Variants in KCNB2 observed in about 807,000 individuals in gnomAD.
KCNB2 encodes delayed rectifier potassium channel protein.
A neutral mutation model predicts 61.5 loss-of-function variants in KCNB2; 15 were observed. The ratio of observed to expected loss-of-function variants is 0.24; its 90% confidence interval spans 0.16 to 0.38. The LOEUF (loss-of-function observed/expected upper bound fraction) is 0.38. Ranked by LOEUF, KCNB2 falls within the 10% of genes least tolerant of loss-of-function variation. The pLI is 1.00. For synonymous variants in KCNB2, 457 were observed against 446.0 expected (o/e 1.02, Z -0.31); for missense variants, 828 against 1,125.2 (o/e 0.74, Z 3.78).
chr8:72,662,769 C>T (rs1462541148), intron 2 of KCNB2, among the ~76,000 whole-genome samples: 1 of 152,078 alleles, frequency 6.6e-6, no homozygotes, highest in Non-Finnish European at 1.5e-5. Flanking sequence ...GACAGGAGGG[C>T]TAATGGAAGG....
At chr8:72,934,255 C>A (rs541582380) in intron 2 of KCNB2, among the ~76,000 whole-genome samples, 1 of 152,066 alleles carries the variant, frequency 6.6e-6, no homozygotes, top group East Asian at 1.9e-4. Flanking sequence ...GTAGTCCCAG[C>A]TACTCAGGTG....
intron 2 of KCNB2, among the ~76,000 whole-genome samples, chr8:72,600,532 A>G (rs1009191130): frequency 6.6e-6 from 1 of 152,084 alleles, no homozygotes; most frequent in African/African-American, 2.4e-5. Context: ...AACATGGCAC[A>G]TGTATACATA....
chr8:72,820,383 G>T (rs938075272), intron 2 of KCNB2, among the ~76,000 whole-genome samples: 3 of 152,096 alleles, frequency 2.0e-5, no homozygotes, highest in African/African-American at 7.2e-5. Context: ...TTATTCCAAT[G>T]AACTTTCCAA....
chr8:72,702,078 G>A (rs2255421), intron 2 of KCNB2, among the ~76,000 whole-genome samples: 107,997 of 152,030 alleles, frequency 0.71, 39,320 homozygotes, highest in African/African-American at 0.86. Flanking sequence ...GCAGAACACA[G>A]AACATCAGAC....
At chr8:72,571,592 T>C (rs923375658) in intron 2 of KCNB2, among the ~76,000 whole-genome samples, 1 of 152,218 alleles carries the variant, frequency 6.6e-6, no homozygotes, top group African/African-American at 2.4e-5. Flanking sequence ...TTTATCTGTA[T>C]GATGGACTCT....
At chr8:72,665,056 T>A (rs1241810120) in intron 2 of KCNB2, among the ~76,000 whole-genome samples, 1 of 152,154 alleles carries the variant, frequency 6.6e-6, no homozygotes, top group African/African-American at 2.4e-5. Context: ...TAGGCCCAGG[T>A]AGGCACCAGC....
At chr8:72,830,338 T>C (rs1563397654) in intron 2 of KCNB2, among the ~76,000 whole-genome samples, 1 of 150,698 alleles carries the variant, frequency 6.6e-6, no homozygotes, top group Non-Finnish European at 1.5e-5. Flanking sequence ...CCTGTGGAAA[T>C]GTGCTCACTT....
At chr8:72,678,397 T>C (rs1230959805) in intron 2 of KCNB2, among the ~76,000 whole-genome samples, 2 of 152,214 alleles carry the variant, frequency 1.3e-5, no homozygotes, top group Admixed American at 6.5e-5. Flanking sequence ...GCAGGGTCCA[T>C]GTGACTGTTT....
chr8:72,561,636 G>C (rs2128978195), intron 1 of KCNB2, among the ~76,000 whole-genome samples: 1 of 138,834 alleles, frequency 7.2e-6, no homozygotes, highest in Admixed American at 7.5e-5. Flanking sequence ...AAGTAATGCA[G>C]GTTGCAGGTT....
intron 2 of KCNB2, among the ~76,000 whole-genome samples, chr8:72,726,444 G>T (rs1315537974): frequency 1.3e-5 from 2 of 152,200 alleles, no homozygotes; most frequent in Non-Finnish European, 2.9e-5. Context: ...ATAAATGATA[G>T]TAAATACATA....
intron 2 of KCNB2, among the ~76,000 whole-genome samples, chr8:72,588,002 T>C (rs1807026262): frequency 6.6e-6 from 1 of 152,104 alleles, no homozygotes; most frequent in Non-Finnish European, 1.5e-5. Flanking sequence ...GTTATGCTCC[T>C]TGTGCACTGT....
chr8:72,839,599 C>CTTTT (rs10561095), intron 2 of KCNB2, among the ~76,000 whole-genome samples: 934 of 87,674 alleles, frequency 0.011, 51 homozygotes, highest in African/African-American at 0.032. Context: ...TGAAAGGCTT[C>CTTTT]TTTTTTTTTT....
At chr8:72,651,383 G>T (rs534505186) in intron 2 of KCNB2, among the ~76,000 whole-genome samples, 25 of 152,230 alleles carry the variant, frequency 1.6e-4, no homozygotes, top group Admixed American at 2.6e-4. Flanking sequence ...TTCAAAAGTT[G>T]CATTTCAATT....
At chr8:72,694,040 G>A (rs889052303) in intron 2 of KCNB2, among the ~76,000 whole-genome samples, 4 of 152,084 alleles carry the variant, frequency 2.6e-5, no homozygotes, top group African/African-American at 4.8e-5. Flanking sequence ...ATAGAAAATC[G>A]ATATCAAATT....
intron 2 of KCNB2, among the ~76,000 whole-genome samples, chr8:72,768,838 G>T (rs1808512708): frequency 1.3e-5 from 2 of 152,042 alleles, no homozygotes. Flanking sequence ...CCATTAAATT[G>T]TCTTGGCACC....
intron 2 of KCNB2, among the ~76,000 whole-genome samples, chr8:72,922,949 A>T (rs1806552439): frequency 6.6e-6 from 1 of 150,944 alleles, no homozygotes; most frequent in African/African-American, 2.4e-5. Context: ...GAGACATAAG[A>T]CTTGAATCAA....
chr8:72,805,514 T>C (rs1809205135), intron 2 of KCNB2, among the ~76,000 whole-genome samples: 2 of 152,196 alleles, frequency 1.3e-5, no homozygotes, highest in Non-Finnish European at 1.5e-5. Context: ...TAAGTCTGTC[T>C]GCATACAGCT....
At chr8:72,782,133 A>T (rs1388839515) in intron 2 of KCNB2, among the ~76,000 whole-genome samples, 1 of 152,190 alleles carries the variant, frequency 6.6e-6, no homozygotes, top group Non-Finnish European at 1.5e-5. Context: ...AATTTAAAAA[A>T]TTTAAAAAAT....
At chr8:72,901,415 T>C (rs556351156) in intron 2 of KCNB2, among the ~76,000 whole-genome samples, 2 of 152,320 alleles carry the variant, frequency 1.3e-5, no homozygotes, top group East Asian at 3.9e-4. Context: ...TTATTCCTTT[T>C]GAAAATATAA....
Sources: allele counts gnomAD v4.1 joint callset (sites outside exome capture counted in the v4.1 genomes callset), GRCh38; gene constraint gnomAD v4.1.1; transcripts MANE v1.5; gene names NCBI Gene and HGNC (gene_info 2026-07-23, HGNC 2026-07-21).